Variants in PRKN observed in about 807,000 individuals in gnomAD.
PRKN encodes parkin RBR E3 ubiquitin protein ligase, also known as E3 ubiquitin-protein ligase parkin.
In PRKN, 56 loss-of-function variants were observed where a neutral mutation model predicts 59.5. The observed-to-expected ratio is 0.94, with a 90% confidence interval of 0.76 to 1.18. PRKN has a LOEUF of 1.18. PRKN is among the 50% of genes most tolerant of loss of function. The probability of loss-of-function intolerance (pLI) is 0.00; values close to 1 mark genes in which losing one functional copy is unlikely to be tolerated. For missense variants in PRKN, 657 were observed against 596.4 expected, an observed-to-expected ratio of 1.10 and a Z score of -1.06; for synonymous variants, 250 against 222.1, an observed-to-expected ratio of 1.13 and a Z score of -1.12.
At chr6:161,678,040 A>G (rs1785153802) in intron 7 of PRKN, among the ~76,000 whole-genome samples, 1 of 152,128 alleles carries the variant, frequency 6.6e-6, no homozygotes, top group African/African-American at 2.4e-5. Flanking sequence ...TAACCTCACC[A>G]TGAAATGCAA....
intron 4 of PRKN, among the ~76,000 whole-genome samples, chr6:162,086,425 C>A (rs1583011251): frequency 6.6e-6 from 1 of 150,510 alleles, no homozygotes; most frequent in South Asian, 2.2e-4. Context: ...AAGGTAACAC[C>A]TTTTTCACCA....
chr6:162,215,022 TC>T (rs1414233071), intron 3 of PRKN, among the ~76,000 whole-genome samples: 1 of 152,060 alleles, frequency 6.6e-6, no homozygotes, highest in East Asian at 1.9e-4. Context: ...TCATCCTACT[TC>T]CCCATCTGCA....
intron 7 of PRKN, among the ~76,000 whole-genome samples, chr6:161,678,054 A>G (rs1785154218): frequency 6.6e-6 from 1 of 152,070 alleles, no homozygotes; most frequent in South Asian, 2.1e-4. Context: ...AATGCAAATT[A>G]TTTGCTTTAA....
chr6:161,749,822 C>T (rs907291278), intron 7 of PRKN, among the ~76,000 whole-genome samples: 7 of 151,986 alleles, frequency 4.6e-5, no homozygotes, highest in African/African-American at 1.7e-4. Flanking sequence ...CCTTGTACTC[C>T]GTTGCTCCCC....
intron 6 of PRKN, among the ~76,000 whole-genome samples, chr6:161,855,162 A>C (rs1387688045): frequency 6.6e-6 from 1 of 151,780 alleles, no homozygotes; most frequent in African/African-American, 2.4e-5. Context: ...AACCACCTGG[A>C]GAACTTTGTA....
At chr6:161,718,436 T>C (rs913596237) in intron 7 of PRKN, among the ~76,000 whole-genome samples, 18 of 152,202 alleles carry the variant, frequency 1.2e-4, no homozygotes, top group African/African-American at 4.1e-4. Context: ...AGAGAGTGCA[T>C]GTAGAAGGTA....
At chr6:161,535,021 T>TGGTTC (rs1283265433) in intron 9 of PRKN, among the ~76,000 whole-genome samples, 3 of 152,212 alleles carry the variant, frequency 2.0e-5, no homozygotes, top group Non-Finnish European at 1.5e-5. Context: ...TCCAAAAGCT[T>TGGTTC]TAGTCTGTGG....
intron 5 of PRKN, among the ~76,000 whole-genome samples, chr6:162,010,508 TATATTATATATTA>T (rs1782483186): frequency 3.2e-5 from 1 of 30,880 alleles, no homozygotes; most frequent in African/African-American, 2.0e-4. Flanking sequence ...TATAATATAT[TATATTATATATTA>T]TATAATATAT....
Position 162,443,374 on chromosome 6 carries a change from A to T in PRKN, c.107T>A (p.Val36Asp). 1.9e-6 allele frequency: 3 copies of T among 1,613,656 alleles called. No homozygotes were observed. The highest frequency in any genetic ancestry group is 2.5e-6 in the Non-Finnish European group (3 of 1,180,004). The change falls in exon 2 of 12, where the codon GTT becomes GAT. Residue 36 changes from valine to aspartate, a missense_variant. Transcript: ENST00000366898. ...AATCACACGCAACTGGTCAGCCGGA[A>T]CCCCCTGTCGCTTAGCAACCACCTC... ...LKEVVAKRQG[V>D]PADQLRVIFA... is the part of the protein sequence containing the mutation.
intron 1 of PRKN, among the ~76,000 whole-genome samples, chr6:162,722,867 T>C (rs969695529): frequency 1.3e-5 from 2 of 152,146 alleles, no homozygotes; most frequent in African/African-American, 4.8e-5. Flanking sequence ...TTTAGAGCCT[T>C]TGGACCCAAG....
In PRKN at chr6:161,447,597, G is replaced by A. The variant is rs970470533; in HGVS notation, c.1084-60720C>T. ...CAACCTCCGCCTCCCGGGTTCAAGC[G>A]ATGCTCCTGCCTCAGCCTCCCGAGT... On this transcript the variant is annotated intron_variant, in intron 9 of 11. Transcript: ENST00000366898. The surrounding 1 kb of genome is among the most constrained non-coding windows in gnomAD (Gnocchi z 4.1). Among the ~76,000 whole-genome samples the A allele has an allele frequency of 6.6e-6, 1 of 151,976 alleles. No individual in the cohort carries two copies. Among genetic ancestry groups the A allele is most frequent in the African/African-American group, 2.4e-5 (1 of 41,384 alleles).
intron 2 of PRKN, among the ~76,000 whole-genome samples, chr6:162,330,559 C>A (rs992834166): frequency 1.3e-5 from 2 of 152,192 alleles, no homozygotes; most frequent in East Asian, 3.8e-4. Context: ...GTTGTTCCTG[C>A]AAGCTCAGAA....
At chr6:162,326,769 C>G in intron 2 of PRKN, among the ~76,000 whole-genome samples, 1 of 151,838 alleles carries the variant, frequency 6.6e-6, no homozygotes, top group South Asian at 2.1e-4. Flanking sequence ...GAAAATAACA[C>G]TAGCATAGAT....
intron 1 of PRKN, among the ~76,000 whole-genome samples, chr6:162,447,195 G>C (rs138228479): frequency 1.3e-5 from 2 of 152,240 alleles, no homozygotes; most frequent in African/African-American, 4.8e-5. Flanking sequence ...ACCTAGAGGA[G>C]GTAGAGCTAA....
intron 5 of PRKN, among the ~76,000 whole-genome samples, chr6:162,012,456 A>G (rs866309252): frequency 1.3e-5 from 2 of 151,952 alleles, no homozygotes; most frequent in Non-Finnish European, 2.9e-5. Flanking sequence ...ATCTTTATGT[A>G]TGTAATTACT....
intron 1 of PRKN, among the ~76,000 whole-genome samples, chr6:162,651,972 G>A (rs1420928500): frequency 2.0e-5 from 3 of 152,082 alleles, no homozygotes; most frequent in Non-Finnish European, 4.4e-5. Context: ...CAGATATTTA[G>A]CATTACCTTA....
intron 9 of PRKN, among the ~76,000 whole-genome samples, chr6:161,412,649 C>T (rs555024513): frequency 5.9e-5 from 9 of 151,582 alleles, no homozygotes; most frequent in Non-Finnish European, 1.2e-4. Context: ...CATTCCTCCA[C>T]TCACTCATTC....
intron 2 of PRKN, among the ~76,000 whole-genome samples, chr6:162,337,258 C>A (rs888893845): frequency 6.6e-6 from 1 of 152,144 alleles, no homozygotes; most frequent in Non-Finnish European, 1.5e-5. Flanking sequence ...TTATAAAACA[C>A]AACCCAAAAT....
intron 7 of PRKN, among the ~76,000 whole-genome samples, chr6:161,572,604 G>C (rs1354519333): frequency 3.3e-5 from 5 of 152,216 alleles, no homozygotes; most frequent in African/African-American, 1.2e-4. Flanking sequence ...AGGTTGTGGT[G>C]GGCTGAAATT....
Sources: gnomAD v4.1 joint callset for allele counts (sites outside exome capture counted in the v4.1 genomes callset) on GRCh38, gnomAD v4.1.1 for gene constraint, Gnocchi (gnomAD v3.1) non-coding constraint, MANE v1.5 for transcripts, NCBI Gene and HGNC (gene_info 2026-07-23, HGNC 2026-07-21) for gene names.